The following EMID1 variants were observed in gnomAD, a reference collection of about 807,000 sequenced individuals.
The protein encoded by EMID1 is EMI domain-containing protein 1.
In EMID1, 40 loss-of-function variants were observed where a neutral mutation model predicts 60.6. The observed-to-expected ratio is 0.66, with a 90% CI of 0.51 to 0.86. The LOEUF (loss-of-function observed/expected upper bound fraction) is 0.86. EMID1 is among the 40% of genes least tolerant of loss of function. EMID1 has a pLI of 0.00. For missense variants in EMID1, 585 were observed against 597.1 expected, an observed-to-expected ratio of 0.98 and a Z score of 0.21; for synonymous variants, 242 against 231.0, an observed-to-expected ratio of 1.05 and a Z score of -0.43.
chr22:29,216,711 G>T (rs887986752), intron 3 of EMID1: 8 of 962,308 alleles, frequency 8.3e-6, no homozygotes, highest in Non-Finnish European at 9.9e-6. Flanking sequence ...GGTGACTGAG[G>T]CCCAGTGAGG....
chr22:29,251,674 C>CT lies in EMID1; in HGVS notation c.1120-2521dup, dbSNP rs1312238487. ...CACCACACCCAAATAATTTTTTTTT[C>CT]TTTTTTTTGAGATGGAGTCTCCCTC... On this transcript the variant is annotated intron_variant, in intron 13 of 14. Transcript: ENST00000334018. Among the ~76,000 whole-genome samples, 43 of 151,206 alleles carry CT rather than the reference C, an allele frequency of 2.8e-4. 1 individual carries two copies. In the East Asian group the frequency reaches 6.4e-3, roughly 23 times the overall value.
intron 3 of EMID1, among the ~76,000 whole-genome samples, chr22:29,218,689 G>A (rs2097471): frequency 0.52 from 79,407 of 152,100 alleles, 23,046 homozygotes; most frequent in Admixed American, 0.68. Context: ...TCAGGAGGGC[G>A]GGCCGAGCCC....
At chr22:29,257,246 T>G (rs561847184) in intron 14 of EMID1, among the ~76,000 whole-genome samples, 76 of 152,220 alleles carry the variant, frequency 5.0e-4, no homozygotes, top group Middle Eastern at 6.8e-3. Context: ...GGTGGGACCC[T>G]CCCCATTGGC....
chr22:29,231,592 G>T lies in EMID1; in HGVS notation c.587-1G>T. On this transcript the variant is annotated splice_acceptor_variant, in intron 6 of 14. Coordinates refer to ENST00000334018, the MANE Select transcript of EMID1 (RefSeq NM_133455.4). LOFTEE classifies it high-confidence loss of function. ...CCAGTCTGATATGCTTTACCCCCCA[G>T]ACCAAGTCGGTGCTTGGGGGCTTCC... 1 of 1,543,602 alleles carries T rather than the reference G, an allele frequency of 6.5e-7. No homozygotes were observed. The highest frequency in any genetic ancestry group is 1.2e-5 in the South Asian group (1 of 82,776).
chr22:29,254,316 G>A (rs764519112), intron 14 of EMID1, 29 bp downstream of exon 14: 65 of 1,604,586 alleles, frequency 4.1e-5, no homozygotes, highest in Non-Finnish European at 5.5e-5. Flanking sequence ...ACGGACAGAC[G>A]GCCCAGCCCC....
chr22:29,206,459 G>A (rs968201038), intron 1 of EMID1, among the ~76,000 whole-genome samples: 2 of 152,316 alleles, frequency 1.3e-5, no homozygotes, highest in Admixed American at 1.3e-4. Flanking sequence ...CTTGGGAAAG[G>A]CCTATGACAC....
chr22:29,232,079 G>C (rs1435004820), intron 7 of EMID1, 177 bp from the exon 8 acceptor site: 10 of 656,256 alleles, frequency 1.5e-5, no homozygotes, highest in Non-Finnish European at 2.3e-5. Flanking sequence ...GCCTGGACGA[G>C]GTGGAGAACT....
At chr22:29,236,463 GGGGGATCACCT>G in intron 12 of EMID1, among the ~76,000 whole-genome samples, 1 of 152,260 alleles carries the variant, frequency 6.6e-6, no homozygotes, top group East Asian at 1.9e-4. Flanking sequence ...GGTGGAGGCA[GGGGGATCACCT>G]GAGGTCAGGA....
At chr22:29,211,990 G>T (rs1438183931) in intron 1 of EMID1, among the ~76,000 whole-genome samples, 1 of 152,032 alleles carries the variant, frequency 6.6e-6, no homozygotes, top group Non-Finnish European at 1.5e-5. Flanking sequence ...CACACCTTTG[G>T]TTTTTTTTGT....
chr22:29,208,583 GC>G (rs1405873119), intron 1 of EMID1, among the ~76,000 whole-genome samples: 1 of 152,214 alleles, frequency 6.6e-6, no homozygotes, highest in African/African-American at 2.4e-5. Context: ...AGAATGGAGG[GC>G]TCTAAAATGG....
intron 13 of EMID1, among the ~76,000 whole-genome samples, chr22:29,247,061 C>A (rs1398360020): frequency 4.6e-5 from 7 of 152,156 alleles, no homozygotes; most frequent in Non-Finnish European, 1.0e-4. Context: ...TCACTGCAAC[C>A]TCTGCCTCCT....
chr22:29,226,282 G>A, intron 4 of EMID1: 1 of 471,072 alleles, frequency 2.1e-6, no homozygotes, highest in Non-Finnish European at 3.7e-6. Context: ...AGGCCACTCT[G>A]GAGGCTCCAG....
chr22:29,258,642 G>A (rs774536878), intron 14 of EMID1, among the ~76,000 whole-genome samples, 175 bp from the exon 15 acceptor site: 6 of 152,176 alleles, frequency 3.9e-5, no homozygotes, highest in African/African-American at 1.2e-4. Context: ...AAGTCCTGGC[G>A]TGAGGCACCA....
intron 3 of EMID1, chr22:29,216,369 G>A (rs2040082891): frequency 4.1e-6 from 4 of 985,406 alleles, no homozygotes; most frequent in Non-Finnish European, 4.8e-6. Flanking sequence ...CATCCTCACT[G>A]CCTGGCTGAA....
chr22:29,255,244 C>A (rs28456325), intron 14 of EMID1: 1 of 1,400,342 alleles, frequency 7.1e-7, no homozygotes, highest in South Asian at 1.6e-5. Context: ...AGACTCGCAC[C>A]GTCTGCTCTT....
At chr22:29,212,463 C>G (rs191824293) in intron 1 of EMID1, among the ~76,000 whole-genome samples, 1 of 152,144 alleles carries the variant, frequency 6.6e-6, no homozygotes, top group East Asian at 1.9e-4. Flanking sequence ...AGTGCAAGCT[C>G]TGGAGCCAGA....
intron 14 of EMID1, among the ~76,000 whole-genome samples, chr22:29,256,176 T>C (rs2041699357): frequency 6.6e-6 from 1 of 152,066 alleles, no homozygotes; most frequent in South Asian, 2.1e-4. Flanking sequence ...CTCGCATCTA[T>C]TTTAAAGACT....
At chr22:29,225,486 C>A (rs1019863434) in intron 4 of EMID1, among the ~76,000 whole-genome samples, 1 of 152,234 alleles carries the variant, frequency 6.6e-6, no homozygotes, top group Non-Finnish European at 1.5e-5. Context: ...TCCCCCATTT[C>A]CCCTTTTTAT....
intron 3 of EMID1, among the ~76,000 whole-genome samples, chr22:29,217,636 G>A (rs1158122602): frequency 6.6e-6 from 1 of 152,238 alleles, no homozygotes; most frequent in African/African-American, 2.4e-5. Context: ...TCCTCACCCG[G>A]GAAATGGGCA....
Sources: gnomAD v4.1 joint callset for allele counts (sites outside exome capture counted in the v4.1 genomes callset) on GRCh38, gnomAD v4.1.1 for gene constraint, MANE v1.5 for transcripts, NCBI Gene and HGNC (gene_info 2026-07-23, HGNC 2026-07-21) for gene names.